The following ASMTL variants were observed in gnomAD, a reference collection of about 807,000 sequenced individuals.
The protein encoded by ASMTL is acetylserotonin O-methyltransferase like.
In ASMTL, 57 loss-of-function variants were observed where a neutral mutation model predicts 60.3. The observed-to-expected ratio is 0.95, with a 90% CI of 0.76 to 1.18. ASMTL has a LOEUF of 1.18. ASMTL is among the 50% of genes most tolerant of loss of function. The pLI, the probability that ASMTL is intolerant of heterozygous loss-of-function variation, is 0.00. For synonymous variants in ASMTL, 419 were observed against 373.0 expected (o/e 1.12, Z -1.42); for missense variants, 981 against 852.6 (o/e 1.15, Z -1.88).
chrX:1,445,080 C>A (rs1255542713), intron 1 of ASMTL, among the ~76,000 whole-genome samples: 1 of 152,186 alleles, frequency 6.6e-6, no homozygotes, highest in African/African-American at 2.4e-5. Context: ...CAACATCAGA[C>A]ACAAATCCAG....
At chrX:1,436,282 T>A (rs2090961608) in intron 3 of ASMTL, among the ~76,000 whole-genome samples, 1 of 152,038 alleles carries the variant, frequency 6.6e-6, no homozygotes, top group African/African-American at 2.4e-5. Flanking sequence ...CAAGTGATTC[T>A]CCTGCCTCAG....
At chrX:1,427,310 A>G (rs1217204735) in intron 7 of ASMTL, among the ~76,000 whole-genome samples, 1 of 151,572 alleles carries the variant, frequency 6.6e-6, no homozygotes, top group Non-Finnish European at 1.5e-5. Flanking sequence ...TCCTCCTGAA[A>G]GATCTGTCCA....
At chrX:1,410,615 C>T (rs1444007865) in intron 12 of ASMTL, among the ~76,000 whole-genome samples, 3 of 151,978 alleles carry the variant, frequency 2.0e-5, no homozygotes, top group Non-Finnish European at 2.9e-5. Context: ...GGTTTCACCA[C>T]GTGGCTTAGG....
Position 1,452,775 on chromosome X carries a change from TG to T in ASMTL, c.65del (p.Pro22HisfsTer70), listed in dbSNP as rs1195634324. 1 of 1,595,552 alleles carries T rather than the reference TG, an allele frequency of 6.3e-7. No individual in the cohort carries two copies. Among genetic ancestry groups the T allele is most frequent in the Admixed American group, 1.7e-5 (1 of 59,368 alleles). The stretch of plus-strand genomic sequence containing the variant: ...CGTTGCTGAGGATCTCCTGACGGCG[TG>T]GGGAGGCGCTGGCCAGCACCACGCG... Reference protein sequence around the residue: ...HKRVVLASASPRRQEILSNAG... With the variant: ...HKRVVLASASXRRQEILSNAG... On this transcript the variant is annotated frameshift_variant, in exon 1 of 13. Transcript: ENST00000381317. LOFTEE classifies it high-confidence loss of function.
chrX:1,452,871 C>T lies in ASMTL; in HGVS notation c.-31G>A. On this transcript the variant is annotated 5_prime_UTR_variant, in exon 1 of 13. It adds an upstream start codon to the 5' untranslated region. Coordinates refer to ENST00000381317, the MANE Select transcript of ASMTL (RefSeq NM_004192.4). ...CCACGCCGGGAGCCGGGCGTCCGCA[C>T]TTCTGAGCCCGGAGCCCGCGGTGCG... 6.7e-7 allele frequency: 1 copy of T among 1,489,986 alleles called. No homozygotes were observed. The highest frequency in any genetic ancestry group is 8.9e-7 in the Non-Finnish European group (1 of 1,118,538). The allele number at this position is 1,489,986 out of a possible 1,614,324, so 92.3% of individuals were successfully genotyped here. A position where few individuals can be genotyped will look rare whatever the true frequency, so the allele number is the denominator to read the frequency against.
At chrX:1,435,585 C>T (rs1350997034) in intron 4 of ASMTL, 109 bp downstream of exon 4, 38 of 1,042,546 alleles carry the variant, frequency 3.6e-5, no homozygotes, top group Middle Eastern at 2.9e-4. Context: ...ACAGCTCAGA[C>T]GGCAGAGCTG....
At chrX:1,443,413 A>G (rs2091160902) in intron 1 of ASMTL, among the ~76,000 whole-genome samples, 1 of 118,832 alleles carries the variant, frequency 8.4e-6, no homozygotes, top group South Asian at 3.3e-4. Flanking sequence ...ACACGCCGCC[A>G]TCTTGGACAC....
chrX:1,414,165 T>C (rs184994963), intron 11 of ASMTL: 6,775 of 134,168 alleles, frequency 0.05, 431 homozygotes, highest in African/African-American at 0.17. Context: ...GTGATGCGGC[T>C]ACAAGCCCAG....
chrX:1,440,232 G>A (rs764077459), intron 2 of ASMTL, among the ~76,000 whole-genome samples: 4 of 151,994 alleles, frequency 2.6e-5, no homozygotes, highest in South Asian at 2.1e-4. Flanking sequence ...GACTACAGGC[G>A]CCCGCCACCG....
chrX:1,417,898 C>T (rs1475571766), intron 11 of ASMTL, 75 bp downstream of exon 11: 4 of 1,520,260 alleles, frequency 2.6e-6, no homozygotes, highest in African/African-American at 1.4e-5. Context: ...GGTGCACACA[C>T]AGCCATGCCC....
Position 1,421,852 on chromosome X carries a change from T to G in ASMTL, c.1061-10A>C, listed in dbSNP as rs768182371. ...TCTGTGTTACTGTAACCTGGAGAAATGGGGACAGTCGTGTGACCTCCTAAC... is the reference window on the plus strand; with the variant it reads ...TCTGTGTTACTGTAACCTGGAGAAAGGGGGACAGTCGTGTGACCTCCTAAC... On this transcript the variant is annotated splice_polypyrimidine_tract_variant and intron_variant, in intron 8 of 12. Transcript: ENST00000381317. The G allele has an allele frequency of 1.2e-6, 2 of 1,613,526 alleles. No homozygotes were observed. The highest frequency in any genetic ancestry group is 3.3e-5 in the Admixed American group (2 of 59,980).
chrX:1,427,000 C>CAAA (rs1218373950), intron 7 of ASMTL, among the ~76,000 whole-genome samples: 36 of 84,130 alleles, frequency 4.3e-4, no homozygotes, highest in African/African-American at 1.1e-3. Context: ...AAAACAAAAA[C>CAAA]AAAAAAAAGA....
chrX:1,412,410 T>C (rs2090064289), intron 12 of ASMTL, among the ~76,000 whole-genome samples: 1 of 152,032 alleles, frequency 6.6e-6, no homozygotes, highest in South Asian at 2.1e-4. Context: ...GTATTTTTAG[T>C]AGAGACGGGG....
Position 1,452,784 on chromosome X carries a change from G to A in ASMTL, c.57C>T (p.Ser19=). The A allele has an allele frequency of 6.3e-7, 1 of 1,596,550 alleles. No homozygotes were observed. Among genetic ancestry groups the A allele is most frequent in the Non-Finnish European group, 8.5e-7 (1 of 1,177,280 alleles). Residue 19 remains serine (S), a synonymous_variant, in exon 1 of 13, where the codon AGC becomes AGT. Transcript: ENST00000381317. ...KLLHKRVVLA[S]ASPRRQEILS... is the part of the protein sequence containing the mutation. ...GGATCTCCTGACGGCGTGGGGAGGC[G>A]CTGGCCAGCACCACGCGCTTGTGCA... is the stretch of plus-strand genomic sequence containing the variant.
At chrX:1,411,240 G>GA (rs2090008155) in intron 12 of ASMTL, among the ~76,000 whole-genome samples, 1 of 151,962 alleles carries the variant, frequency 6.6e-6, no homozygotes, top group Non-Finnish European at 1.5e-5. Context: ...AGAGACAGAG[G>GA]GAGAGAAGAA....
At chrX:1,449,533 G>A (rs760023971) in intron 1 of ASMTL, among the ~76,000 whole-genome samples, 28 of 151,904 alleles carry the variant, frequency 1.8e-4, no homozygotes, top group Admixed American at 5.2e-4. Flanking sequence ...CCTCCAGTCC[G>A]TAGTCCCCAA....
At position 1,439,078 on chromosome X, in the gene ASMTL, G is replaced by A. The variant is rs200630112; in HGVS notation, c.273+19C>T. ...AACCACATCGGACATTAGAAACGAG[G>A]CACCCTGGCCGCACTCACCACGATC... On this transcript the variant is annotated intron_variant, in intron 3 of 12. Transcript: ENST00000381317. 3.7e-6 allele frequency: 6 copies of A among 1,613,530 alleles called. No individual in the cohort carries two copies. The highest frequency in any genetic ancestry group is 5.1e-6 in the Non-Finnish European group (6 of 1,179,474).
chrX:1,403,371 G>T lies in ASMTL; in HGVS notation c.1764C>A (p.Gly588=), dbSNP rs766466028. Reference sequence around the variant, plus strand: ...GCAGCTCCAGCAAGCACTGATACTCGCCCAGGCTCCGCTCCTTGCCTTCAG... The same window carrying T: ...GCAGCTCCAGCAAGCACTGATACTCTCCCAGGCTCCGCTCCTTGCCTTCAG... ...VQTEGKERSL[G]EYQCLLELHG... Residue 588 remains glycine (G), a synonymous_variant, in exon 13 of 13, where the codon GGC becomes GGA. Coordinates refer to ENST00000381317, the MANE Select transcript of ASMTL (RefSeq NM_004192.4). The T allele has an allele frequency of 3.1e-6, 5 of 1,613,294 alleles. No homozygotes were observed. In the African/African-American group the frequency reaches 4.0e-5, roughly 13 times the overall value.
At chrX:1,440,093 T>C (rs770358078) in intron 2 of ASMTL, among the ~76,000 whole-genome samples, 164 of 150,472 alleles carry the variant, frequency 1.1e-3, no homozygotes, top group Middle Eastern at 0.01. Flanking sequence ...TTCTTTCTTT[T>C]TTTTTTTTTT....
Sources: allele counts gnomAD v4.1 joint callset (sites outside exome capture counted in the v4.1 genomes callset), GRCh38; gene constraint gnomAD v4.1.1; transcripts MANE v1.5; gene names NCBI Gene and HGNC (gene_info 2026-07-23, HGNC 2026-07-21).